The following USP38 variants were observed in gnomAD, a reference collection of about 807,000 sequenced individuals.
The protein encoded by USP38 is ubiquitin carboxyl-terminal hydrolase 38.
USP38 carries 49 observed loss-of-function variants against 94.3 expected under a neutral mutation model. The ratio of observed to expected loss-of-function variants is 0.52; its 90% CI spans 0.41 to 0.66. The LOEUF is 0.66. Ranked by LOEUF, USP38 falls within the 30% of genes least tolerant of loss-of-function variation. The pLI is 0.00. For missense variants in USP38, 1,128 were observed against 1,229.4 expected (o/e 0.92, Z 1.23); for synonymous variants, 468 against 463.6 (o/e 1.01, Z -0.12).
chr4:143,217,544 A>G (rs1032391007), intron 9 of USP38, among the ~76,000 whole-genome samples: 1 of 152,200 alleles, frequency 6.6e-6, no homozygotes, highest in Non-Finnish European at 1.5e-5. Flanking sequence ...CTCTTGAACA[A>G]TATTGCTAAT....
chr4:143,213,530 T>G, intron 8 of USP38, 51 bp from the exon 9 acceptor site: 14 of 1,465,364 alleles, frequency 9.6e-6, no homozygotes, highest in Non-Finnish European at 1.3e-5. Flanking sequence ...TAAATAGAAA[T>G]GACATTTGAA....
intron 4 of USP38, among the ~76,000 whole-genome samples, chr4:143,199,452 G>A (rs1180453767): frequency 1.3e-5 from 2 of 152,094 alleles, no homozygotes; most frequent in African/African-American, 2.4e-5. Context: ...ACATTCATGT[G>A]CATGTATCTT....
chr4:143,191,808 T>G (rs1731403860), intron 2 of USP38, among the ~76,000 whole-genome samples: 2 of 152,218 alleles, frequency 1.3e-5, no homozygotes, highest in African/African-American at 4.8e-5. Flanking sequence ...ATTTAAATAG[T>G]AAGATATTAA....
chr4:143,191,992 G>A (rs939709608), intron 2 of USP38, among the ~76,000 whole-genome samples: 3 of 152,206 alleles, frequency 2.0e-5, no homozygotes, highest in Non-Finnish European at 4.4e-5. Flanking sequence ...AAACGGAACT[G>A]AAATATAATT....
At chr4:143,193,028 G>C (rs1450378973) in intron 2 of USP38, among the ~76,000 whole-genome samples, 1 of 152,140 alleles carries the variant, frequency 6.6e-6, no homozygotes, top group Non-Finnish European at 1.5e-5. Context: ...CTTGAGACCT[G>C]TATTCTGGTG....
chr4:143,216,478 A>ATT (rs34645894), intron 9 of USP38, among the ~76,000 whole-genome samples: 1 of 144,746 alleles, frequency 6.9e-6, no homozygotes, highest in Non-Finnish European at 1.5e-5. Context: ...TAAATATTCA[A>ATT]TTTTTTTTTT....
chr4:143,193,260 A>G (rs13140326), intron 2 of USP38, among the ~76,000 whole-genome samples: 13,395 of 151,388 alleles, frequency 0.088, 688 homozygotes, highest in African/African-American at 0.14. Context: ...AGCTCTTTCC[A>G]TTTTAGATTC....
rs2149602113 is a variant in USP38, at chr4:143,185,301, T to G, written c.-150T>G. On this transcript the variant is annotated 5_prime_UTR_variant, in exon 1 of 10. An upstream start codon of the reference 5' UTR is lost. Coordinates refer to ENST00000307017, the MANE Select transcript of USP38 (RefSeq NM_032557.6). Reference sequence around the variant, plus strand: ...TGGATGGGTCTCCCTGCGCCATAAATGTGGCTGCTGAGGCGGCGGTGGCCG... The same window carrying G: ...TGGATGGGTCTCCCTGCGCCATAAAGGTGGCTGCTGAGGCGGCGGTGGCCG... 2.4e-6 allele frequency: 2 copies of G among 833,980 alleles called. No individual in the cohort carries two copies. The highest frequency in any genetic ancestry group is 5.4e-5 in the East Asian group (2 of 36,936). 51.7% of individuals were successfully genotyped at this position (833,980 alleles called of 1,614,324 possible).
At position 143,197,920 on chromosome 4, in the gene USP38, A is replaced by G; in HGVS notation, c.1046A>G (p.His349Arg). 1 of 1,608,364 alleles carries G rather than the reference A, an allele frequency of 6.2e-7. No homozygotes were observed. The highest frequency in any genetic ancestry group is 8.5e-7 in the Non-Finnish European group (1 of 1,177,032). ...TTTCAGCATTCTCCAGAGGCGTTCC[A>G]TTTGGTAAGTTATGACATAAACGTT... Reference protein sequence around the residue: ...LSFQHSPEAFHLIVPHVVNLV... With the variant: ...LSFQHSPEAFRLIVPHVVNLV... Residue 349 changes from histidine (H) to arginine (R), a missense_variant, in exon 4 of 10, where the codon CAT becomes CGT. By Grantham distance (29) the His-to-Arg change is conservative. Transcript: ENST00000307017.
chr4:143,200,659 G>T (rs58337819), intron 4 of USP38, among the ~76,000 whole-genome samples: 4,657 of 152,210 alleles, frequency 0.031, 254 homozygotes, highest in African/African-American at 0.11. Context: ...TCCTTCAGCT[G>T]ATAAACAACT....
In USP38 at chr4:143,185,378, C is replaced by G. The variant is rs1371559384; in HGVS notation, c.-73C>G. On this transcript the variant is annotated 5_prime_UTR_variant, in exon 1 of 10. Transcript: ENST00000307017. ...CTCCAAGTTCATCTCCGCCCCGGGGCTCTCCTGCCCCACCTCGGGGCTGCC... is the reference window on the plus strand; with the variant it reads ...CTCCAAGTTCATCTCCGCCCCGGGGGTCTCCTGCCCCACCTCGGGGCTGCC... 1 of 1,480,052 alleles carries G rather than the reference C, an allele frequency of 6.8e-7. No homozygotes were observed. The highest frequency in any genetic ancestry group is 1.4e-5 in the South Asian group (1 of 73,572). 91.7% of individuals were successfully genotyped at this position (1,480,052 alleles called of 1,614,324 possible). A position where few individuals can be genotyped will look rare whatever the true frequency, so the allele number is the denominator to read the frequency against.
chr4:143,188,524 TCTGA>T (rs1269213142), intron 2 of USP38, among the ~76,000 whole-genome samples: 1 of 152,134 alleles, frequency 6.6e-6, no homozygotes, highest in African/African-American at 2.4e-5. Context: ...CAGCTGTCAA[TCTGA>T]CTGTCATTCC....
At chr4:143,208,353 T>C (rs1561244995) in intron 6 of USP38, among the ~76,000 whole-genome samples, 1 of 152,138 alleles carries the variant, frequency 6.6e-6, no homozygotes, top group Non-Finnish European at 1.5e-5. Flanking sequence ...TCTGCCCTTA[T>C]ACAGATACAG....
chr4:143,203,203 A>G (rs1428240043), intron 4 of USP38, among the ~76,000 whole-genome samples: 1 of 152,150 alleles, frequency 6.6e-6, no homozygotes, highest in East Asian at 1.9e-4. Context: ...GGGGTCATAT[A>G]TGAGATTACA....
chr4:143,195,958 G>T, intron 3 of USP38, 113 bp downstream of exon 3: 1 of 1,048,916 alleles, frequency 9.5e-7, no homozygotes, highest in Non-Finnish European at 1.3e-6. Flanking sequence ...TTGTTGTTTT[G>T]TTTTGAATAA....
intron 9 of USP38, 114 bp downstream of exon 9, chr4:143,215,057 G>A (rs548124999): frequency 3.8e-6 from 4 of 1,048,324 alleles, no homozygotes; most frequent in South Asian, 3.4e-5. Flanking sequence ...TGAAATATAG[G>A]TCTGGATTTA....
chr4:143,192,446 G>A (rs1731423059), intron 2 of USP38, among the ~76,000 whole-genome samples: 1 of 151,940 alleles, frequency 6.6e-6, no homozygotes, highest in African/African-American at 2.4e-5. Context: ...TTACAGGTGT[G>A]AGCCACTGTG....
chr4:143,197,975 T>G lies in USP38; in HGVS notation c.1050+51T>G, dbSNP rs752276868. The stretch of plus-strand genomic sequence containing the variant: ...TTTGAAAAAGCCTCAATTTGAAAAT[T>G]TAGTTTAATATTGAGTCACATTTTT... On this transcript the variant is annotated intron_variant, in intron 4 of 9. Coordinates refer to ENST00000307017, the MANE Select transcript of USP38 (RefSeq NM_032557.6). 1.6e-5 allele frequency: 22 copies of G among 1,370,448 alleles called. 2 individuals are homozygous for G. The highest frequency in any genetic ancestry group is 8.9e-5 in the South Asian group (7 of 78,262). 84.9% of individuals were successfully genotyped at this position (1,370,448 alleles called of 1,614,324 possible).
chr4:143,195,822 G>A lies in USP38; in HGVS notation c.925G>A (p.Val309Ile), dbSNP rs1296723145. The change falls in exon 3 of 10, where the codon GTT becomes ATT. Residue 309 changes from valine to isoleucine, a missense_variant. Transcript: ENST00000307017. Reference sequence around the variant, plus strand: ...CCAGAAGTTTACTATTTTGATAGATGTTACTTTGCTGAAAATAGAACTGGT... The same window carrying A: ...CCAGAAGTTTACTATTTTGATAGATATTACTTTGCTGAAAATAGAACTGGT... ...AVQKFTILID[V>I]TLLKIELVFN... is the part of the protein sequence containing the mutation. 1.9e-6 allele frequency: 3 copies of A among 1,612,732 alleles called. No individual in the cohort carries two copies. Among genetic ancestry groups the A allele is most frequent in the African/African-American group, 2.7e-5 (2 of 74,882 alleles).
Sources: gnomAD v4.1 joint callset for allele counts (sites outside exome capture counted in the v4.1 genomes callset) on GRCh38, gnomAD v4.1.1 for gene constraint, MANE v1.5 for transcripts, NCBI Gene and HGNC (gene_info 2026-07-23, HGNC 2026-07-21) for gene names.